Variants in UCP3 observed in about 807,000 individuals in gnomAD.
UCP3 encodes the protein putative mitochondrial transporter UCP3.
Under a neutral mutation model 28.1 loss-of-function variants are expected in UCP3, and 24 were observed. The ratio of observed to expected loss-of-function variants is 0.85; its 90% CI spans 0.62 to 1.20. The LOEUF is 1.20. UCP3 is among the 50% of genes most tolerant of loss of function. The probability of loss-of-function intolerance (pLI) is 0.00; values close to 1 mark genes in which losing one functional copy is unlikely to be tolerated. For synonymous variants in UCP3, 184 were observed against 171.2 expected (o/e 1.07, Z -0.59); for missense variants, 397 against 422.2 (o/e 0.94, Z 0.52).
chr11:74,006,860 G>C, intron 2 of UCP3, 57 bp downstream of exon 2: 5 of 1,613,524 alleles, frequency 3.1e-6, no homozygotes, highest in Non-Finnish European at 4.2e-6. Flanking sequence ...GGGGATATGG[G>C]AGAGAACTAG....
At chr11:74,004,065 T>C (rs1016950616) in intron 5 of UCP3, 58 bp from the exon 6 acceptor site, 28 of 1,596,670 alleles carry the variant, frequency 1.8e-5, no homozygotes, top group Non-Finnish European at 2.3e-5. Flanking sequence ...TCCATATGTA[T>C]GCACTGTTTG....
intron 5 of UCP3, 81 bp from the exon 6 acceptor site, chr11:74,004,088 C>T: frequency 1.3e-6 from 2 of 1,569,366 alleles, no homozygotes; most frequent in Non-Finnish European, 8.6e-7. Flanking sequence ...CCCAACTCAA[C>T]CGTGAACTCC....
In UCP3 at chr11:74,001,364, C is replaced by T. The variant is rs779631979; in HGVS notation, c.*48G>A. On this transcript the variant is annotated 3_prime_UTR_variant, in exon 7 of 7. Transcript: ENST00000314032. ...CGTGGATGCACCGTTTTCTTCCATT[C>T]TTAACTGGTTTCGGACACGTTAGCT... The T allele has an allele frequency of 1.3e-6, 2 of 1,585,760 alleles. No homozygotes were observed. The highest frequency in any genetic ancestry group is 1.1e-5 in the South Asian group (1 of 90,336).
At chr11:74,006,886 G>C (rs746533067) in intron 2 of UCP3, 31 bp downstream of exon 2, 1 of 1,614,040 alleles carries the variant, frequency 6.2e-7, no homozygotes, top group South Asian at 1.1e-5. Context: ...CCTTCCATGT[G>C]ATCAATGACC....
At chr11:74,004,792 A>G (rs776253987) in intron 4 of UCP3, among the ~76,000 whole-genome samples, 5 of 152,142 alleles carry the variant, frequency 3.3e-5, no homozygotes, top group Non-Finnish European at 5.9e-5. Context: ...CAGATTATCC[A>G]TGTTTTCCTC....
At position 74,005,400 on chromosome 11, in the gene UCP3, A is replaced by C. The variant is rs951697017; in HGVS notation, c.541+330T>G. The stretch of plus-strand genomic sequence containing the variant: ...CCTTCTCTGCAGAGCCCGCCTCTGG[A>C]GCTCCACCTCTGGGGCAACCCCTAC... On this transcript the variant is annotated intron_variant, in intron 4 of 6. Coordinates refer to ENST00000314032, the MANE Select transcript of UCP3 (RefSeq NM_003356.4). Among the ~76,000 whole-genome samples, 3 of 152,044 alleles carry C rather than the reference A, an allele frequency of 2.0e-5. No individual in the cohort carries two copies. In the East Asian group the frequency reaches 5.8e-4, roughly 29 times the overall value.
In UCP3 at chr11:74,004,077, C is replaced by T; in HGVS notation, c.644-70G>A. ...CTGTCCATATGTATGCACTGTTTGT[C>T]CCCAACTCAACCGTGAACTCCCTGA... On this transcript the variant is annotated intron_variant, in intron 5 of 6. Transcript: ENST00000314032. The T allele has an allele frequency of 4.4e-6, 7 of 1,585,410 alleles. No individual in the cohort carries two copies. In the South Asian group the frequency reaches 6.8e-5, roughly 15 times the overall value.
rs1201620173 is a variant in UCP3 at position 74,006,287 on chromosome 11, A to C, written c.219T>G (p.Gly73=). The C allele has an allele frequency of 6.2e-7, 1 of 1,612,596 alleles. No homozygotes were observed. The highest frequency in any genetic ancestry group is 1.1e-5 in the South Asian group (1 of 91,014). The change falls in exon 3 of 7, where the codon GGT becomes GGG. Residue 73 remains glycine (G), a synonymous_variant. Transcript: ENST00000314032. ...CCAGCCCATTGTAGGGGCTGCAGGGACCCTCAGTCCGCACCATGGTCAGGA... is the reference window on the plus strand; with the variant it reads ...CCAGCCCATTGTAGGGGCTGCAGGGCCCCTCAGTCCGCACCATGGTCAGGA... The part of the protein sequence containing the change: ...GTILTMVRTE[G]PCSPYNGLVA...
At chr11:74,006,824 G>A (rs762116173) in intron 2 of UCP3, 93 bp downstream of exon 2, 5 of 1,595,612 alleles carry the variant, frequency 3.1e-6, no homozygotes, top group East Asian at 2.2e-5. Flanking sequence ...AGGGTTCTGA[G>A]GAAGGGCATG....
chr11:74,003,807 G>T lies in UCP3; in HGVS notation c.824+20C>A. The T allele has an allele frequency of 1.9e-6, 3 of 1,562,450 alleles. No individual in the cohort carries two copies. Among genetic ancestry groups the T allele is most frequent in the Non-Finnish European group, 2.6e-6 (3 of 1,157,068 alleles). On this transcript the variant is annotated intron_variant, in intron 6 of 6. Coordinates refer to ENST00000314032, the MANE Select transcript of UCP3 (RefSeq NM_003356.4). Reference sequence around the variant, plus strand: ...CCCCTGTTCTCTGGGAGGGAGTGCTGGAGGCAGGAGGAGGCTCACCCCTTG... The same window carrying T: ...CCCCTGTTCTCTGGGAGGGAGTGCTTGAGGCAGGAGGAGGCTCACCCCTTG...
At chr11:74,008,088 A>C (rs952547547) in intron 1 of UCP3, among the ~76,000 whole-genome samples, 3 of 152,212 alleles carry the variant, frequency 2.0e-5, no homozygotes, top group African/African-American at 7.2e-5. Context: ...TCATAAGGCT[A>C]CAAGTAGTTG....
intron 6 of UCP3, 80 bp downstream of exon 6, chr11:74,003,747 T>A (rs542112396): frequency 6.6e-7 from 1 of 1,513,680 alleles, no homozygotes; most frequent in Admixed American, 2.3e-5. Flanking sequence ...ACATCCCAGG[T>A]TGACCCACGG....
At chr11:74,007,188 C>G in intron 1 of UCP3, 51 bp from the exon 2 acceptor site, 2 of 1,068,428 alleles carry the variant, frequency 1.9e-6, no homozygotes, top group South Asian at 3.2e-5. Context: ...TGGCCTGGCT[C>G]CCAGGAACTC....
At position 74,000,580 on chromosome 11, in the gene UCP3, C is replaced by T. The variant is rs1198499478; in HGVS notation, c.*832G>A. On this transcript the variant is annotated 3_prime_UTR_variant, in exon 7 of 7. Coordinates refer to ENST00000314032, the MANE Select transcript of UCP3 (RefSeq NM_003356.4). ...TCTTTCAAACCTTCTTCCCTGGCAA[C>T]TCCTCTCTGTCCCGACAAAATCTCT... 3 of 152,362 alleles carry T rather than the reference C, an allele frequency of 2.0e-5. No individual in the cohort carries two copies. 9.4% of individuals were successfully genotyped at this position (152,362 alleles called of 1,614,324 possible).
rs561168334 is a variant in UCP3, at chr11:74,002,469, T to C, written c.825-943A>G. On this transcript the variant is annotated intron_variant, in intron 6 of 6. Transcript: ENST00000314032. ...TACAATCTGGACACATCACTTAATC[T>C]TTCTAAGCCTCAGTTTCCTTATCTG... 3.1e-4 allele frequency among the ~76,000 whole-genome samples: 47 copies of C among 152,344 alleles called. 1 individual carries two copies. The South Asian group carries it at 8.9e-3, about 29-fold the overall frequency.
chr11:74,006,896 C>T (rs1951671126), intron 2 of UCP3, 21 bp downstream of exon 2: 7 of 1,613,934 alleles, frequency 4.3e-6, no homozygotes, highest in Non-Finnish European at 5.9e-6. Flanking sequence ...GATCAATGAC[C>T]CTTGGCCAAA....
chr11:74,006,255 C>A lies in UCP3; in HGVS notation c.251G>T (p.Gly84Val). The A allele has an allele frequency of 1.2e-6, 2 of 1,613,874 alleles. No individual in the cohort carries two copies. Among genetic ancestry groups the A allele is most frequent in the Non-Finnish European group, 1.7e-6 (2 of 1,180,006 alleles). Reference sequence around the variant, plus strand: ...GGCGAAGCTCATCTGGCGCTGCAGGCCGGCCACCAGCCCATTGTAGGGGCT... The same window carrying A: ...GGCGAAGCTCATCTGGCGCTGCAGGACGGCCACCAGCCCATTGTAGGGGCT... ...PCSPYNGLVA[G>V]LQRQMSFASI... The change falls in exon 3 of 7, where the codon GGC (glycine) becomes GTC (valine). Residue 84 changes from glycine (G) to valine (V), a missense_variant. Physicochemically the swap from Gly to Val is moderately radical, Grantham distance 109. Transcript: ENST00000314032.
rs116154731 is a variant in UCP3, at chr11:74,002,958, C to T, written c.824+869G>A. 3.1e-4 allele frequency: 301 copies of T among 985,130 alleles called. No individual in the cohort carries two copies. In the African/African-American group the frequency reaches 3.1e-3, roughly 10 times the overall value. 61.0% of individuals were successfully genotyped at this position (985,130 alleles called of 1,614,324 possible). A position where few individuals can be genotyped will look rare whatever the true frequency, so the allele number is the denominator to read the frequency against. ...CAACATTGTTGGGTGTGGTGTCTGA[C>T]GGTCAGGGTTTGAGCCATGGCTCCA... On this transcript the variant is annotated intron_variant, in intron 6 of 6. Transcript: ENST00000314032.
intron 3 of UCP3, 94 bp from the exon 4 acceptor site, chr11:74,006,027 AT>A: frequency 6.4e-7 from 1 of 1,565,612 alleles, no homozygotes; most frequent in South Asian, 1.2e-5. Context: ...AGCTTCCTTG[AT>A]GTCCACTCAG....
Sources: gnomAD v4.1 joint callset for allele counts (sites outside exome capture counted in the v4.1 genomes callset) on GRCh38, gnomAD v4.1.1 for gene constraint, MANE v1.5 for transcripts, NCBI Gene and HGNC (gene_info 2026-07-23, HGNC 2026-07-21) for gene names.